FOXN3: variants seen among roughly 807,000 people sequenced by gnomAD.
FOXN3 encodes the protein forkhead box protein N3.
Under a neutral mutation model 38.4 loss-of-function variants are expected in FOXN3, and 7 were observed. That is an observed-to-expected ratio of 0.18 (90% confidence interval 0.10 to 0.34). The LOEUF is 0.34. Ranked by LOEUF, FOXN3 falls within the 10% of genes least tolerant of loss-of-function variation. The probability of loss-of-function intolerance (pLI) is 1.00; values close to 1 mark genes in which losing one functional copy is unlikely to be tolerated. For missense variants in FOXN3, 456 were observed against 613.4 expected (o/e 0.74, Z 2.71); for synonymous variants, 230 against 242.2 (o/e 0.95, Z 0.47).
intron 3 of FOXN3, among the ~76,000 whole-genome samples, chr14:89,283,806 C>A (rs541719459): frequency 4.2e-4 from 64 of 152,284 alleles, no homozygotes; most frequent in African/African-American, 1.4e-3. Flanking sequence ...GTAATCAACC[C>A]TTTTCCATGG....
chr14:89,222,493 A>T (rs1394837838), intron 4 of FOXN3, among the ~76,000 whole-genome samples: 1 of 152,194 alleles, frequency 6.6e-6, no homozygotes, highest in Non-Finnish European at 1.5e-5. Flanking sequence ...GAAATCCGTA[A>T]TGTTTACCGT....
intron 1 of FOXN3, among the ~76,000 whole-genome samples, chr14:89,594,945 T>C (rs1034015778): frequency 2.0e-5 from 3 of 152,298 alleles, no homozygotes; most frequent in Admixed American, 6.5e-5. Flanking sequence ...TTCTCAATTT[T>C]CACAAAACCC....
chr14:89,396,687 A>G (rs1177622515), intron 2 of FOXN3, among the ~76,000 whole-genome samples: 8 of 152,002 alleles, frequency 5.3e-5, no homozygotes, highest in Admixed American at 5.2e-4. Context: ...CAAAAATTAG[A>G]TGGGTGTGGT....
intron 2 of FOXN3, among the ~76,000 whole-genome samples, chr14:89,369,751 A>G (rs2140054588): frequency 6.6e-6 from 1 of 152,322 alleles, no homozygotes; most frequent in East Asian, 1.9e-4. Flanking sequence ...AACACAGGAA[A>G]GACCTGTCCT....
At chr14:89,425,054 TTTC>T (rs1347944681) in intron 1 of FOXN3, among the ~76,000 whole-genome samples, 1 of 90,952 alleles carries the variant, frequency 1.1e-5, no homozygotes, top group Non-Finnish European at 2.3e-5. Context: ...TTTGTTTTGT[TTTC>T]TTTTCTTTTT....
intron 3 of FOXN3, among the ~76,000 whole-genome samples, chr14:89,330,249 A>C (rs1018091391): frequency 3.9e-5 from 6 of 152,170 alleles, no homozygotes; most frequent in Non-Finnish European, 7.3e-5. Flanking sequence ...GGTAGTAAGA[A>C]ATCTCCAATG....
chr14:89,486,999 C>T (rs932783730), intron 1 of FOXN3, among the ~76,000 whole-genome samples: 1 of 152,164 alleles, frequency 6.6e-6, no homozygotes, highest in Non-Finnish European at 1.5e-5. Context: ...GCTACTCAAA[C>T]ACTTGTCTAC....
chr14:89,325,347 C>CACCACCACT (rs1888042776), intron 3 of FOXN3, among the ~76,000 whole-genome samples: 3 of 122,726 alleles, frequency 2.4e-5, no homozygotes, highest in Non-Finnish European at 3.7e-5. Flanking sequence ...CCACCACCAC[C>CACCACCACT]ACCACCACCA....
intron 1 of FOXN3, among the ~76,000 whole-genome samples, chr14:89,441,061 G>C (rs1359000269): frequency 6.6e-6 from 1 of 152,140 alleles, no homozygotes; most frequent in East Asian, 1.9e-4. Flanking sequence ...CCTGAATTAA[G>C]TATGAGAAAG....
At chr14:89,289,947 A>C (rs1297538479) in intron 3 of FOXN3, among the ~76,000 whole-genome samples, 1 of 152,238 alleles carries the variant, frequency 6.6e-6, no homozygotes, top group African/African-American at 2.4e-5. Context: ...TGAGGGGAAC[A>C]GACTTCTTTT....
At chr14:89,354,543 T>TAAAA (rs760406905) in intron 2 of FOXN3, among the ~76,000 whole-genome samples, 3 of 121,610 alleles carry the variant, frequency 2.5e-5, no homozygotes, top group African/African-American at 9.3e-5. Context: ...TGCTTTTTAT[T>TAAAA]AAAAAAAAAA....
chr14:89,186,668 T>C (rs1053743919), intron 4 of FOXN3, among the ~76,000 whole-genome samples: 3 of 152,192 alleles, frequency 2.0e-5, no homozygotes, highest in Non-Finnish European at 2.9e-5. Flanking sequence ...TGAGACATGG[T>C]GGCTCTCCTT....
chr14:89,294,091 C>T (rs1458668091), intron 3 of FOXN3, among the ~76,000 whole-genome samples: 1 of 152,150 alleles, frequency 6.6e-6, no homozygotes, highest in African/African-American at 2.4e-5. Context: ...CCCGTTCTTC[C>T]CAAGGGCTCC....
intron 1 of FOXN3, among the ~76,000 whole-genome samples, chr14:89,606,903 A>C (rs1283938061): frequency 1.3e-5 from 2 of 152,232 alleles, no homozygotes; most frequent in African/African-American, 2.4e-5. Context: ...CACACTATAC[A>C]CAAAAAACAA....
chr14:89,416,258 T>G (rs959043822), intron 1 of FOXN3, among the ~76,000 whole-genome samples: 21 of 152,216 alleles, frequency 1.4e-4, no homozygotes, highest in African/African-American at 2.4e-4. Flanking sequence ...CGGGGGAAAC[T>G]GCTCTTATCC....
intron 5 of FOXN3, among the ~76,000 whole-genome samples, chr14:89,172,400 T>A (rs546866188): frequency 6.6e-6 from 1 of 152,170 alleles, no homozygotes; most frequent in African/African-American, 2.4e-5. Flanking sequence ...AATATAGGAG[T>A]ATTAATCCAC....
chr14:89,321,777 T>G (rs1184809015), intron 3 of FOXN3, among the ~76,000 whole-genome samples: 1 of 151,216 alleles, frequency 6.6e-6, no homozygotes, highest in African/African-American at 2.4e-5. Context: ...TTTCCATTCC[T>G]GTCTTTCTTC....
At chr14:89,593,408 G>A (rs1175929361) in intron 1 of FOXN3, among the ~76,000 whole-genome samples, 1 of 152,164 alleles carries the variant, frequency 6.6e-6, no homozygotes, top group East Asian at 1.9e-4. Flanking sequence ...GAAGGCCAAG[G>A]CGGGTAGATC....
At chr14:89,304,711 G>T (rs1241359020) in intron 3 of FOXN3, among the ~76,000 whole-genome samples, 1 of 152,002 alleles carries the variant, frequency 6.6e-6, no homozygotes, top group Admixed American at 6.6e-5. Flanking sequence ...GAGAAAACCT[G>T]GGCATTCAAC....
Sources: gnomAD v4.1 joint callset for allele counts (sites outside exome capture counted in the v4.1 genomes callset) on GRCh38, gnomAD v4.1.1 for gene constraint, MANE v1.5 for transcripts, NCBI Gene and HGNC (gene_info 2026-07-23, HGNC 2026-07-21) for gene names.